KLHL29: variants seen among roughly 807,000 people sequenced by gnomAD.
KLHL29 encodes kelch-like protein 29.
A neutral mutation model predicts 80.4 loss-of-function variants in KLHL29; 21 were observed. That is an observed-to-expected ratio of 0.26 (90% CI 0.19 to 0.38). KLHL29 has a LOEUF of 0.38. KLHL29 is among the 10% of genes least tolerant of loss of function. KLHL29 has a pLI of 1.00. For synonymous variants in KLHL29, 511 were observed against 526.8 expected (o/e 0.97, Z 0.41); for missense variants, 867 against 1,223.9 (o/e 0.71, Z 4.35).
At chr2:23,489,537 T>C (rs1437203657) in intron 2 of KLHL29, among the ~76,000 whole-genome samples, 1 of 152,084 alleles carries the variant, frequency 6.6e-6, no homozygotes. Flanking sequence ...CTTGCGTACC[T>C]CCTGCCACGC....
At chr2:23,600,734 G>A (rs1318871232) in intron 3 of KLHL29, among the ~76,000 whole-genome samples, 1 of 152,210 alleles carries the variant, frequency 6.6e-6, no homozygotes, top group Non-Finnish European at 1.5e-5. Flanking sequence ...GAGAAGGAGT[G>A]GGACCCATCA....
chr2:23,504,787 G>T (rs1665552511), intron 2 of KLHL29, among the ~76,000 whole-genome samples: 1 of 152,254 alleles, frequency 6.6e-6, no homozygotes, highest in Non-Finnish European at 1.5e-5. Flanking sequence ...AGGAGCCGTG[G>T]CAGCTCCCCT....
intron 5 of KLHL29, among the ~76,000 whole-genome samples, chr2:23,648,533 A>G (rs1163786244): frequency 6.6e-6 from 1 of 151,858 alleles, no homozygotes; most frequent in Non-Finnish European, 1.5e-5. Context: ...TCCTCCACTG[A>G]CCATAACAAC....
At chr2:23,542,898 GCAAGTCACTCC>G (rs1391100415) in intron 2 of KLHL29, among the ~76,000 whole-genome samples, 18 of 152,196 alleles carry the variant, frequency 1.2e-4, no homozygotes, top group Admixed American at 5.2e-4. Context: ...GTGACCTTGG[GCAAGTCACTCC>G]CAACTGTCTG....
chr2:23,547,275 C>G (rs114033477), intron 2 of KLHL29, among the ~76,000 whole-genome samples: 143 of 152,274 alleles, frequency 9.4e-4, no homozygotes, highest in African/African-American at 3.4e-3. Context: ...TTCTCATTAC[C>G]CGATTCCGAG....
At chr2:23,663,560 T>C (rs993723886) in intron 5 of KLHL29, among the ~76,000 whole-genome samples, 20 of 152,362 alleles carry the variant, frequency 1.3e-4, no homozygotes, top group Middle Eastern at 6.8e-3. Context: ...TTCCAAGTTA[T>C]TGATGTCTTA....
At chr2:23,490,867 T>C (rs900414382) in intron 2 of KLHL29, among the ~76,000 whole-genome samples, 2 of 152,168 alleles carry the variant, frequency 1.3e-5, no homozygotes, top group Non-Finnish European at 2.9e-5. Flanking sequence ...CCTGGGCCCA[T>C]CCAGTTGCCA....
intron 3 of KLHL29, among the ~76,000 whole-genome samples, chr2:23,564,383 G>C (rs79668064): frequency 2.1e-4 from 32 of 152,346 alleles, no homozygotes; most frequent in African/African-American, 6.0e-4. Context: ...GTGGCCAGGA[G>C]GGGGAGAGGG....
chr2:23,674,150 T>C (rs1431518244), intron 5 of KLHL29, among the ~76,000 whole-genome samples: 1 of 152,138 alleles, frequency 6.6e-6, no homozygotes, highest in Non-Finnish European at 1.5e-5. Context: ...GCATTCCAAG[T>C]ACACAAACGC....
chr2:23,385,487 G>C lies in KLHL29; in HGVS notation c.-447G>C. 5.8e-6 allele frequency: 1 copy of C among 173,066 alleles called. No individual in the cohort carries two copies. Among genetic ancestry groups the C allele is most frequent in the Non-Finnish European group, 1.4e-5 (1 of 73,914 alleles). 10.7% of individuals were successfully genotyped at this position (173,066 alleles called of 1,614,324 possible). A position where few individuals can be genotyped will look rare whatever the true frequency, so the allele number is the denominator to read the frequency against. On this transcript the variant is annotated 5_prime_UTR_variant, in exon 1 of 14. Coordinates refer to ENST00000486442, the MANE Select transcript of KLHL29 (RefSeq NM_052920.2). ...CCGCCGCCTCGATGAGAGCCGCGCC[G>C]CACCGCTCATAGCCGCACAGGCTGA...
At chr2:23,448,091 TA>T (rs1663762103) in intron 1 of KLHL29, among the ~76,000 whole-genome samples, 1 of 152,036 alleles carries the variant, frequency 6.6e-6, no homozygotes, top group South Asian at 2.1e-4. Context: ...ATACTCAAAG[TA>T]TTAGTATACT....
intron 2 of KLHL29, among the ~76,000 whole-genome samples, chr2:23,488,233 C>T (rs1209757731): frequency 2.0e-5 from 3 of 152,208 alleles, no homozygotes; most frequent in Admixed American, 6.5e-5. Context: ...CACCCCTGGG[C>T]GCCCCTGGCC....
In KLHL29 at chr2:23,562,320, G is replaced by A. The variant is rs980074844; in HGVS notation, c.124G>A (p.Gly42Ser). The change falls in exon 3 of 14, where the codon GGC becomes AGC. Residue 42 changes from glycine (G) to serine (S), a missense_variant. Around this residue, in one of 2 missense-constraint regions of KLHL29, gnomAD observed 424 missense variants for 456.9 expected, o/e 0.93. Transcript: ENST00000486442. This position sits in a 1 kb window ranked among gnomAD's most constrained non-coding sequence, Gnocchi z 4.5. ...CAGTGTCACCTCGGGGGCCGGTGGC[G>A]GCACAGCCAGCAGCCTCAGCGTCCG... ...ICSVTSGAGG[G>S]TASSLSVRPG... 2.1e-5 allele frequency: 32 copies of A among 1,544,914 alleles called. No individual in the cohort carries two copies. The highest frequency in any genetic ancestry group is 3.3e-4 in the Middle Eastern group (2 of 6,004).
chr2:23,598,317 C>G (rs941127267), intron 3 of KLHL29, among the ~76,000 whole-genome samples: 1 of 152,194 alleles, frequency 6.6e-6, no homozygotes, highest in Non-Finnish European at 1.5e-5. Context: ...AGTAACTGAT[C>G]TTGCAAGATG....
chr2:23,697,856 G>A lies in KLHL29; in HGVS notation c.2105+1343G>A, dbSNP rs954790777. On this transcript the variant is annotated intron_variant, in intron 11 of 13. Transcript: ENST00000486442. ...ATACCCCAAGCATTCTGGAAGCATC[G>A]GCTTCCGATCATTTGTCATCCAATA... 10 of 152,146 alleles carry A rather than the reference G, an allele frequency of 6.6e-5. No individual in the cohort carries two copies. In the East Asian group the frequency reaches 9.6e-4, roughly 15 times the overall value. The allele number at this position is 152,146 out of a possible 1,614,324, so 9.4% of individuals were successfully genotyped here.
chr2:23,403,927 A>AT (rs1666661328), intron 1 of KLHL29, among the ~76,000 whole-genome samples: 1 of 152,092 alleles, frequency 6.6e-6, no homozygotes, highest in Non-Finnish European at 1.5e-5. Context: ...CCTCCCAAGA[A>AT]TTCTGGAGAC....
At chr2:23,533,047 G>A (rs542524586) in intron 2 of KLHL29, among the ~76,000 whole-genome samples, 49 of 152,316 alleles carry the variant, frequency 3.2e-4, no homozygotes, top group Middle Eastern at 3.4e-3. Context: ...GGTCTTTGAC[G>A]AGTTCAAGGG....
chr2:23,508,697 C>G (rs975850076), intron 2 of KLHL29, among the ~76,000 whole-genome samples: 1 of 152,226 alleles, frequency 6.6e-6, no homozygotes, highest in Non-Finnish European at 1.5e-5. Context: ...TGATAAAATG[C>G]CTGTGTGTCT....
chr2:23,431,709 C>A (rs947930213), intron 1 of KLHL29, among the ~76,000 whole-genome samples: 5 of 151,984 alleles, frequency 3.3e-5, no homozygotes, highest in African/African-American at 1.2e-4. Context: ...CTGGCTAACA[C>A]GGTGAAACCC....
Sources: allele counts gnomAD v4.1 joint callset (sites outside exome capture counted in the v4.1 genomes callset), GRCh38; gene constraint gnomAD v4.1.1; regional missense constraint gnomAD v4.1.1; non-coding constraint Gnocchi (gnomAD v3.1); transcripts MANE v1.5; gene names NCBI Gene and HGNC (gene_info 2026-07-23, HGNC 2026-07-21).